Variants in ZNF44 observed in about 807,000 individuals in gnomAD.
ZNF44 encodes the protein zinc finger protein 44, also known as gonadotropin inducible transcription repressor-2.
In ZNF44, 9 loss-of-function variants were observed where a neutral mutation model predicts 11.7. The observed-to-expected ratio is 0.77, with a 90% CI of 0.46 to 1.35. The LOEUF (loss-of-function observed/expected upper bound fraction) is 1.35, where lower values mean the gene tolerates loss of function less well. ZNF44 is among the 40% of genes most tolerant of loss of function. The pLI, the probability that ZNF44 is intolerant of heterozygous loss-of-function variation, is 0.00. For synonymous variants in ZNF44, 224 were observed against 242.7 expected, an observed-to-expected ratio of 0.92 and a Z score of 0.72; for missense variants, 696 against 743.1, an observed-to-expected ratio of 0.94 and a Z score of 0.74.
chr19:12,242,857 A>C (rs146408760), downstream of ZNF44: 4 of 152,210 alleles, frequency 2.6e-5, no homozygotes, highest in African/African-American at 9.6e-5. Flanking sequence ...GAAAGAAAAA[A>C]AATTAAAAAC....
At chr19:12,241,345 A>G (rs961119758), upstream of ZNF44, among the ~76,000 whole-genome samples, 2 of 152,222 alleles carry the variant, frequency 1.3e-5, no homozygotes, top group African/African-American at 2.4e-5. Context: ...ATGGCTATAC[A>G]TGAACATAGA....
At chr19:12,229,562 C>T (rs1916068486) in intron 3 of ZNF44, among the ~76,000 whole-genome samples, 1 of 151,906 alleles carries the variant, frequency 6.6e-6, no homozygotes, top group Non-Finnish European at 1.5e-5. Context: ...TTTGAATATA[C>T]TCATAGCTTG....
At chr19:12,258,653 A>G (rs1917369773) in intron 5 of ZNF44, among the ~76,000 whole-genome samples, 1 of 152,106 alleles carries the variant, frequency 6.6e-6, no homozygotes. Context: ...AACATGGCAA[A>G]ACCTCGTCTC....
At chr19:12,284,950 T>C (rs1967667139) in intron 1 of ZNF44, 1 of 731,396 alleles carries the variant, frequency 1.4e-6, no homozygotes, top group Admixed American at 1.9e-5. Context: ...CTGCTCATGA[T>C]GGCTGGTATC....
intron 2 of ZNF44, among the ~76,000 whole-genome samples, chr19:12,231,030 G>C (rs1322611866): frequency 2.0e-5 from 3 of 152,170 alleles, no homozygotes; most frequent in Non-Finnish European, 2.9e-5. Context: ...TAGCCATTAG[G>C]CTGATGCCCT....
chr19:12,290,512 C>G (rs2145770785), intron 1 of ZNF44, among the ~76,000 whole-genome samples: 1 of 151,118 alleles, frequency 6.6e-6, no homozygotes, highest in South Asian at 2.1e-4. Flanking sequence ...CCAGCCTGAC[C>G]AACATGGTGA....
intron 1 of ZNF44, among the ~76,000 whole-genome samples, chr19:12,288,884 C>T (rs972084934): frequency 1.0e-4 from 15 of 149,224 alleles, no homozygotes; most frequent in African/African-American, 3.5e-4. Context: ...ACATCCTTCA[C>T]TGACATCAAT....
chr19:12,270,763 A>G (rs992831667), downstream of ZNF44, among the ~76,000 whole-genome samples: 4 of 152,032 alleles, frequency 2.6e-5, no homozygotes, highest in African/African-American at 9.7e-5. Flanking sequence ...CCACCTCAAT[A>G]TTTATACAAT....
exon 8 of ZNF44, chr19:12,248,023 A>G: frequency 3.7e-6 from 5 of 1,340,202 alleles, no homozygotes; most frequent in Non-Finnish European, 4.9e-6. Flanking sequence ...CATTTTTTAC[A>G]TTCATAGGGT....
intron 1 of ZNF44, among the ~76,000 whole-genome samples, chr19:12,289,683 C>T (rs1424276471): frequency 4.7e-5 from 6 of 128,376 alleles, no homozygotes; most frequent in Admixed American, 9.1e-5. Flanking sequence ...CTTGTTCTGT[C>T]GCCCAGGCTG....
At chr19:12,293,118 C>T (rs1968088522) in intron 1 of ZNF44, 2 of 1,303,410 alleles carry the variant, frequency 1.5e-6, no homozygotes, top group Non-Finnish European at 1.0e-6. Flanking sequence ...GATCCGCCCG[C>T]CTCGGCTTCC....
chr19:12,272,558 C>T lies in ZNF44; in HGVS notation c.1697G>A (p.Gly566Asp). ...GAAACTGGAACGACTGAAGGCTTTACCACAGTGTTTACATTCATAGGGTCT... is the reference window on the plus strand; with the variant it reads ...GAAACTGGAACGACTGAAGGCTTTATCACAGTGTTTACATTCATAGGGTCT... ...GERPYECKHC[G>D]KAFSRSSFCR... Residue 566 changes from glycine to aspartate, a missense_variant, in exon 4 of 4, where the codon GGT (glycine) becomes GAT (aspartate). Gly to Asp is a moderately conservative substitution (Grantham distance 94). Transcript: ENST00000355684. 1.2e-6 allele frequency: 2 copies of T among 1,613,542 alleles called. No homozygotes were observed. Among genetic ancestry groups the T allele is most frequent in the Non-Finnish European group, 1.7e-6 (2 of 1,179,828 alleles).
Position 12,273,753 on chromosome 19 carries a change from G to T in ZNF44, c.502C>A (p.Pro168Thr). 6.2e-7 allele frequency: 1 copy of T among 1,614,142 alleles called. No individual in the cohort carries two copies. The change falls in exon 4 of 4, where the codon CCC becomes ACC. Residue 168 changes from proline (P) to threonine (T), a missense_variant. Pro to Thr is a conservative substitution (Grantham distance 38, BLOSUM62 -1). Coordinates refer to ENST00000355684, the MANE Select transcript of ZNF44 (RefSeq NM_016264.4). ...TCERPHTGKK[P>T]YDCKECGKTF... ...TTTCCACATTCCTTACAATCATAGG[G>T]TTTCTTTCCAGTGTGAGGCCTTTCA...
chr19:12,294,591 C>G, intron 1 of ZNF44, 101 bp downstream of exon 1: 8 of 1,492,728 alleles, frequency 5.4e-6, no homozygotes, highest in Non-Finnish European at 7.2e-6. Context: ...TCCCAGACCC[C>G]AAAGACGCTG....
intron 5 of ZNF44, among the ~76,000 whole-genome samples, chr19:12,263,515 T>G (rs1023014748): frequency 1.3e-5 from 2 of 152,150 alleles, no homozygotes; most frequent in African/African-American, 2.4e-5. Flanking sequence ...TGGTGGCTCA[T>G]GCCTGTGATC....
At chr19:12,244,570 C>T (rs1212138914), downstream of ZNF44, 3 of 152,608 alleles carry the variant, frequency 2.0e-5, no homozygotes, top group Admixed American at 6.5e-5. Context: ...CACCACAAGG[C>T]GAAGTCTTAC....
intron 1 of ZNF44, among the ~76,000 whole-genome samples, chr19:12,291,510 C>T (rs1249264924): frequency 1.3e-5 from 2 of 152,108 alleles, no homozygotes; most frequent in South Asian, 2.1e-4. Flanking sequence ...CCAGCCTGGG[C>T]GACACGGTGA....
At position 12,273,151 on chromosome 19, in the gene ZNF44, C is replaced by T. The variant is rs998071814; in HGVS notation, c.1104G>A (p.Lys368=). The T allele has an allele frequency of 1.9e-6, 3 of 1,613,610 alleles. No homozygotes were observed. Among genetic ancestry groups the T allele is most frequent in the African/African-American group, 2.7e-5 (2 of 74,888 alleles). The change falls in exon 4 of 4, where the codon AAG becomes AAA. Residue 368 remains lysine, a synonymous_variant. Transcript: ENST00000355684. ...THTLEKPYEC[K]QCGKLLSHRS... ...GATGAGATAACAATTTCCCACATTG[C>T]TTACATTCATAGGGTTTCTCTAGAG...
At chr19:12,277,346 G>A (rs763665295) in intron 1 of ZNF44, among the ~76,000 whole-genome samples, 1 of 152,192 alleles carries the variant, frequency 6.6e-6, no homozygotes, top group Non-Finnish European at 1.5e-5. Flanking sequence ...ACTGGGTAAT[G>A]TCGAAGGAGA....
Sources: allele counts gnomAD v4.1 joint callset (sites outside exome capture counted in the v4.1 genomes callset), GRCh38; gene constraint gnomAD v4.1.1; transcripts MANE v1.5; gene names NCBI Gene and HGNC (gene_info 2026-07-23, HGNC 2026-07-21).